Variants in METAP1D observed in about 807,000 individuals in gnomAD.
METAP1D encodes methionine aminopeptidase 1D, mitochondrial.
A neutral mutation model predicts 40.5 loss-of-function variants in METAP1D; 31 were observed. The ratio of observed to expected loss-of-function variants is 0.77; its 90% CI spans 0.58 to 1.03. The LOEUF is 1.03. Ranked by LOEUF, METAP1D falls within the 50% of genes least tolerant of loss-of-function variation. The pLI is 0.00. For missense variants in METAP1D, 411 were observed against 420.7 expected, an observed-to-expected ratio of 0.98 and a Z score of 0.20; for synonymous variants, 151 against 146.4, an observed-to-expected ratio of 1.03 and a Z score of -0.22.
intron 1 of METAP1D, among the ~76,000 whole-genome samples, chr2:172,039,119 G>T (rs1197311829): frequency 6.6e-6 from 1 of 152,038 alleles, no homozygotes; most frequent in Non-Finnish European, 1.5e-5. Context: ...AAATCTACTT[G>T]CCACCTAAGG....
chr2:172,059,011 G>C (rs1295602033), intron 1 of METAP1D, among the ~76,000 whole-genome samples: 2 of 152,144 alleles, frequency 1.3e-5, no homozygotes, highest in South Asian at 2.1e-4. Context: ...CTGAGGGCTG[G>C]TTAAGGCACA....
At chr2:172,075,908 C>T (rs1690531654) in intron 6 of METAP1D, among the ~76,000 whole-genome samples, 1 of 152,192 alleles carries the variant, frequency 6.6e-6, no homozygotes, top group African/African-American at 2.4e-5. Context: ...CCATGACACA[C>T]AGATTCTATG....
At chr2:172,029,786 A>C (rs557516747) in intron 1 of METAP1D, among the ~76,000 whole-genome samples, 1 of 152,228 alleles carries the variant, frequency 6.6e-6, no homozygotes, top group South Asian at 2.1e-4. Flanking sequence ...ACAAAGTCTC[A>C]CTCTGTTGCC....
chr2:172,036,173 T>C (rs181378149), intron 1 of METAP1D, among the ~76,000 whole-genome samples: 2,815 of 150,832 alleles, frequency 0.019, 34 homozygotes, highest in South Asian at 0.062. Context: ...AAAAGTTAGC[T>C]GGGCGTGGTG....
chr2:172,078,968 A>G (rs376971615), intron 7 of METAP1D, among the ~76,000 whole-genome samples: 5 of 152,168 alleles, frequency 3.3e-5, no homozygotes, highest in African/African-American at 1.2e-4. Context: ...TGCCCCTGCC[A>G]GGCCTTGGAA....
intron 1 of METAP1D, among the ~76,000 whole-genome samples, chr2:172,052,677 A>C (rs376206159): frequency 6.6e-6 from 1 of 152,336 alleles, no homozygotes; most frequent in East Asian, 1.9e-4. Flanking sequence ...AACTCTTTTA[A>C]AACAAGTTCA....
At chr2:172,024,762 G>GTGTA (rs58393650) in intron 1 of METAP1D, among the ~76,000 whole-genome samples, 16 of 150,534 alleles carry the variant, frequency 1.1e-4, no homozygotes, top group African/African-American at 2.9e-4. Context: ...GTGTGTGTGT[G>GTGTA]TGTGTGTGTG....
intron 4 of METAP1D, 33 bp downstream of exon 4, chr2:172,065,785 G>A (rs1690263775): frequency 3.8e-6 from 6 of 1,596,656 alleles, no homozygotes; most frequent in Non-Finnish European, 4.3e-6. Flanking sequence ...TTGTTCCTTT[G>A]GAAACTAAAA....
intron 1 of METAP1D, among the ~76,000 whole-genome samples, chr2:172,019,738 A>G (rs1277613794): frequency 6.6e-6 from 1 of 152,138 alleles, no homozygotes; most frequent in Non-Finnish European, 1.5e-5. Context: ...TCATCTAGCA[A>G]TACATTTCTG....
chr2:172,075,909 A>G (rs1178138542), intron 6 of METAP1D, among the ~76,000 whole-genome samples: 1 of 152,186 alleles, frequency 6.6e-6, no homozygotes, highest in East Asian at 1.9e-4. Context: ...CATGACACAC[A>G]GATTCTATGA....
At chr2:172,065,376 A>C (rs1280784774) in intron 3 of METAP1D, among the ~76,000 whole-genome samples, 1 of 152,190 alleles carries the variant, frequency 6.6e-6, no homozygotes, top group Non-Finnish European at 1.5e-5. Flanking sequence ...AGGGTTTAAC[A>C]TTTCTATTTC....
rs1690685219 is a variant in METAP1D, at chr2:172,080,706, G to A, written c.*300G>A. 6 of 535,246 alleles carry A rather than the reference G, an allele frequency of 1.1e-5. No homozygotes were observed. The highest frequency in any genetic ancestry group is 1.1e-4 in the South Asian group (5 of 46,504). 33.2% of individuals were successfully genotyped at this position (535,246 alleles called of 1,614,324 possible). A position where few individuals can be genotyped will look rare whatever the true frequency, so the allele number is the denominator to read the frequency against. On this transcript the variant is annotated 3_prime_UTR_variant, in exon 10 of 10. Transcript: ENST00000315796. ...CCCCTTGTTGGAAGAGATTCCAAGA[G>A]AAGCACGGTTTTCTCTTTCCCTTGC...
chr2:172,043,282 T>C lies in METAP1D; in HGVS notation c.41-18216T>C, dbSNP rs976505516. 2.3e-5 allele frequency among the ~76,000 whole-genome samples: 3 copies of C among 131,516 alleles called. No homozygotes were observed. The East Asian group carries it at 6.0e-4, about 26-fold the overall frequency. The allele number at this position is 131,516 out of a possible 152,430, so 86.3% of individuals were successfully genotyped here. The stretch of plus-strand genomic sequence containing the variant: ...TTACAAAAAAAATAGTATTCTTTTA[T>C]TGGAACTTCACTTGGTTTGCACTTC... On this transcript the variant is annotated intron_variant, in intron 1 of 9. Transcript: ENST00000315796.
At chr2:172,009,568 G>A (rs1688664080) in intron 1 of METAP1D, among the ~76,000 whole-genome samples, 1 of 152,128 alleles carries the variant, frequency 6.6e-6, no homozygotes, top group Non-Finnish European at 1.5e-5. Context: ...CATTGAAATT[G>A]TGAGGCAGGA....
chr2:172,011,443 C>T (rs1162082807), intron 1 of METAP1D, among the ~76,000 whole-genome samples: 1 of 152,076 alleles, frequency 6.6e-6, no homozygotes, highest in African/African-American at 2.4e-5. Context: ...CGCCACCACG[C>T]CCAGCTAATT....
chr2:172,028,503 C>T (rs1391686077), intron 1 of METAP1D, among the ~76,000 whole-genome samples: 3 of 150,776 alleles, frequency 2.0e-5, no homozygotes, highest in African/African-American at 7.3e-5. Flanking sequence ...CTCACCTAGA[C>T]TTTTTTTCCT....
At position 172,048,969 on chromosome 2, in the gene METAP1D, C is replaced by T. The variant is rs370791881; in HGVS notation, c.41-12529C>T. On this transcript the variant is annotated intron_variant, in intron 1 of 9. Coordinates refer to ENST00000315796, the MANE Select transcript of METAP1D (RefSeq NM_199227.3). ...TGGTTGGGGTGGTTTTAATTTTTAA[C>T]GTTTTTAAATTTTTATTTTATTTTA... is the stretch of plus-strand genomic sequence containing the variant. 3.7e-4 allele frequency among the ~76,000 whole-genome samples: 56 copies of T among 152,012 alleles called. No individual in the cohort carries two copies. In the East Asian group the frequency reaches 5.6e-3, roughly 15 times the overall value.
chr2:172,010,051 G>T (rs1056396119), intron 1 of METAP1D, among the ~76,000 whole-genome samples: 14 of 152,088 alleles, frequency 9.2e-5, no homozygotes, highest in Non-Finnish European at 2.9e-5. Flanking sequence ...GATGATGGCG[G>T]CTTGGAGCAA....
In METAP1D at chr2:172,063,759, G is replaced by C. The variant is rs771258395; in HGVS notation, c.247G>C (p.Gly83Arg). Reference sequence around the variant, plus strand: ...GACGACAGGCATTGTACCAGACTGGGGAGACAGCATAGAAGTTAAGAATGA... The same window carrying C: ...GACGACAGGCATTGTACCAGACTGGCGAGACAGCATAGAAGTTAAGAATGA... ...YVTTGIVPDWGDSIEVKNEDQ... is the reference protein window; with the variant it reads ...YVTTGIVPDWRDSIEVKNEDQ... The change falls in exon 3 of 10, where the codon GGA becomes CGA. Residue 83 changes from glycine to arginine, a missense_variant. By Grantham distance (125) the Gly-to-Arg change is moderately radical. Coordinates refer to ENST00000315796, the MANE Select transcript of METAP1D (RefSeq NM_199227.3). The C allele has an allele frequency of 6.2e-7, 1 of 1,614,094 alleles. No homozygotes were observed. Among genetic ancestry groups the C allele is most frequent in the Non-Finnish European group, 8.5e-7 (1 of 1,180,004 alleles).
Sources: gnomAD v4.1 joint callset for allele counts (sites outside exome capture counted in the v4.1 genomes callset) on GRCh38, gnomAD v4.1.1 for gene constraint, MANE v1.5 for transcripts, NCBI Gene and HGNC (gene_info 2026-07-23, HGNC 2026-07-21) for gene names.